The following OIT3 variants were observed in gnomAD, a reference collection of about 807,000 sequenced individuals.
OIT3 encodes oncoprotein-induced transcript 3 protein.
Under a neutral mutation model 52.2 loss-of-function variants are expected in OIT3, and 41 were observed. The observed-to-expected ratio is 0.79, with a 90% confidence interval of 0.61 to 1.02. The LOEUF is 1.02. Among genes scored for constraint, OIT3 ranks in the 50% least tolerant of loss-of-function variants. OIT3 has a pLI of 0.00. For missense variants in OIT3, 634 were observed against 715.5 expected (o/e 0.89, Z 1.30); for synonymous variants, 244 against 276.9 (o/e 0.88, Z 1.18).
intron 6 of OIT3, chr10:72,918,494 G>T: frequency 7.3e-7 from 1 of 1,374,440 alleles, no homozygotes; most frequent in Non-Finnish European, 1.0e-6. Flanking sequence ...ATAGTTCTGG[G>T]GCCTCAGGAG....
intron 6 of OIT3, among the ~76,000 whole-genome samples, chr10:72,922,759 G>A (rs965800397): frequency 6.6e-6 from 1 of 152,142 alleles, no homozygotes; most frequent in Non-Finnish European, 1.5e-5. Flanking sequence ...AGGAGAGAGG[G>A]CACTCTAGCT....
chr10:72,903,755 G>A (rs1246479000), intron 3 of OIT3, among the ~76,000 whole-genome samples: 2 of 152,166 alleles, frequency 1.3e-5, no homozygotes, highest in Non-Finnish European at 2.9e-5. Flanking sequence ...TACCCAATGT[G>A]TGAGATTTTC....
intron 6 of OIT3, among the ~76,000 whole-genome samples, chr10:72,923,874 G>T (rs935550766): frequency 6.6e-6 from 1 of 151,938 alleles, no homozygotes; most frequent in East Asian, 1.9e-4. Context: ...TCCCCCTCCC[G>T]CTTGGCACTC....
At chr10:72,909,157 T>C (rs1846007858) in intron 4 of OIT3, among the ~76,000 whole-genome samples, 1 of 149,776 alleles carries the variant, frequency 6.7e-6, no homozygotes, top group Non-Finnish European at 1.5e-5. Context: ...TCTCACTCTG[T>C]CACCCAGGCT....
chr10:72,904,242 A>G (rs938844579), intron 3 of OIT3, among the ~76,000 whole-genome samples: 1 of 152,158 alleles, frequency 6.6e-6, no homozygotes, highest in Admixed American at 6.5e-5. Context: ...AGGGACAGGA[A>G]TTGCTCACTT....
intron 1 of OIT3, 90 bp from the exon 2 acceptor site, chr10:72,898,574 C>A: frequency 8.0e-7 from 1 of 1,248,962 alleles, no homozygotes; most frequent in Non-Finnish European, 1.1e-6. Context: ...TCAAAAATGT[C>A]CAAATGCAAG....
chr10:72,914,519 C>T (rs1846057706), intron 6 of OIT3, among the ~76,000 whole-genome samples: 1 of 152,208 alleles, frequency 6.6e-6, no homozygotes, highest in Non-Finnish European at 1.5e-5. Context: ...GGCGGTCCCA[C>T]TTGAGGCAAG....
intron 8 of OIT3, 81 bp downstream of exon 8, chr10:72,930,718 TCCAAGAGC>T: frequency 1.2e-6 from 1 of 856,052 alleles, no homozygotes. Context: ...GTGTTGACAT[TCCAAGAGC>T]CCACTGGTGG....
intron 3 of OIT3, among the ~76,000 whole-genome samples, chr10:72,905,496 T>C (rs1459812676): frequency 6.6e-6 from 1 of 151,948 alleles, no homozygotes; most frequent in African/African-American, 2.4e-5. Context: ...GCTATGAGAT[T>C]TGGAGGGGTC....
At chr10:72,912,280 T>TTTC (rs1554831623) in intron 5 of OIT3, among the ~76,000 whole-genome samples, 10 of 149,106 alleles carry the variant, frequency 6.7e-5, no homozygotes, top group African/African-American at 2.2e-4. Flanking sequence ...TTCTTTTTTT[T>TTTC]TTTTTTTTTG....
intron 6 of OIT3, among the ~76,000 whole-genome samples, chr10:72,915,416 G>C (rs1041880962): frequency 6.6e-6 from 1 of 152,150 alleles, no homozygotes; most frequent in African/African-American, 2.4e-5. Context: ...TAGCAATTAA[G>C]TATTGCTCCT....
intron 6 of OIT3, among the ~76,000 whole-genome samples, chr10:72,915,461 T>C (rs1369258906): frequency 6.6e-6 from 1 of 152,226 alleles, no homozygotes; most frequent in Non-Finnish European, 1.5e-5. Context: ...TGTAATCCTC[T>C]GGTTGCAACA....
At chr10:72,923,404 C>A (rs1208136254) in intron 6 of OIT3, among the ~76,000 whole-genome samples, 2 of 152,082 alleles carry the variant, frequency 1.3e-5, no homozygotes, top group African/African-American at 2.4e-5. Context: ...TGGTTGGAGA[C>A]CCCAGTTGGG....
intron 6 of OIT3, chr10:72,917,783 G>A (rs1201564301): frequency 1.4e-6 from 2 of 1,443,744 alleles, no homozygotes; most frequent in Non-Finnish European, 1.9e-6. Context: ...TTGCTTTAAT[G>A]TCTTCTACAG....
intron 3 of OIT3, among the ~76,000 whole-genome samples, chr10:72,904,218 T>C (rs1845959114): frequency 6.6e-6 from 1 of 152,142 alleles, no homozygotes; most frequent in Non-Finnish European, 1.5e-5. Flanking sequence ...CCCTTAGAGT[T>C]GTAAGCCCTT....
intron 6 of OIT3, among the ~76,000 whole-genome samples, chr10:72,915,072 G>A (rs532638003): frequency 6.6e-6 from 1 of 152,186 alleles, no homozygotes; most frequent in East Asian, 1.9e-4. Context: ...CACCATGTTG[G>A]TCAGGCTGGT....
At chr10:72,925,106 C>T (rs1846158289) in intron 7 of OIT3, among the ~76,000 whole-genome samples, 1 of 117,668 alleles carries the variant, frequency 8.5e-6, no homozygotes, top group Non-Finnish European at 1.7e-5. Context: ...AATGAAACTC[C>T]TAAAATCTCA....
chr10:72,932,661 AC>A lies in OIT3; in HGVS notation c.*138del, dbSNP rs1846228650. On this transcript the variant is annotated 3_prime_UTR_variant, in exon 9 of 9. Coordinates refer to ENST00000334011, the MANE Select transcript of OIT3 (RefSeq NM_152635.3). ...GAGTTCAGACTCCCAGCACCAACTCACTCTGATTCTGGTCCATTCAGTGGGC... is the reference window on the plus strand; with the variant it reads ...GAGTTCAGACTCCCAGCACCAACTCATCTGATTCTGGTCCATTCAGTGGGC... 4.2e-6 allele frequency: 3 copies of A among 717,498 alleles called. No individual in the cohort carries two copies. In the South Asian group the frequency reaches 5.9e-5, roughly 14 times the overall value. The allele number at this position is 717,498 out of a possible 1,614,324, so 44.4% of individuals were successfully genotyped here. A position where few individuals can be genotyped will look rare whatever the true frequency, so the allele number is the denominator to read the frequency against.
At chr10:72,924,196 T>C in intron 6 of OIT3, 33 bp from the exon 7 acceptor site, 1 of 1,535,710 alleles carries the variant, frequency 6.5e-7, no homozygotes, top group Non-Finnish European at 8.8e-7. Flanking sequence ...AAACAGACAA[T>C]CTCTTTCCTC....
Sources: gnomAD v4.1 joint callset for allele counts (sites outside exome capture counted in the v4.1 genomes callset) on GRCh38, gnomAD v4.1.1 for gene constraint, MANE v1.5 for transcripts, NCBI Gene and HGNC (gene_info 2026-07-23, HGNC 2026-07-21) for gene names.